Variants in NKAIN3 observed in about 807,000 individuals in gnomAD.
The protein encoded by NKAIN3 is sodium/potassium-transporting ATPase subunit beta-1-interacting protein 3.
In NKAIN3, 25 loss-of-function variants were observed where a neutral mutation model predicts 30.2. That is an observed-to-expected ratio of 0.83 (90% CI 0.60 to 1.16). The LOEUF (loss-of-function observed/expected upper bound fraction) is 1.16. Ranked by LOEUF, NKAIN3 falls within the 50% of genes most tolerant of loss-of-function variation. The pLI, the probability that NKAIN3 is intolerant of heterozygous loss-of-function variation, is 0.00. For missense variants in NKAIN3, 225 were observed against 254.1 expected, an observed-to-expected ratio of 0.89 and a Z score of 0.78; for synonymous variants, 91 against 89.6, an observed-to-expected ratio of 1.02 and a Z score of -0.09.
chr8:62,614,543 A>G (rs1050931500), intron 3 of NKAIN3, among the ~76,000 whole-genome samples: 5 of 152,090 alleles, frequency 3.3e-5, no homozygotes, highest in Non-Finnish European at 7.4e-5. Context: ...AGGATCTACA[A>G]TCAGCAGGTG....
intron 3 of NKAIN3, among the ~76,000 whole-genome samples, chr8:62,602,523 A>G (rs1316562915): frequency 6.6e-6 from 1 of 152,076 alleles, no homozygotes; most frequent in Admixed American, 6.6e-5. Flanking sequence ...TTTCTGTTTC[A>G]TAAAACATTG....
chr8:62,672,700 T>C (rs1813344190), intron 3 of NKAIN3, among the ~76,000 whole-genome samples: 3 of 152,208 alleles, frequency 2.0e-5, no homozygotes, highest in South Asian at 2.1e-4. Flanking sequence ...CTAGGCTTTA[T>C]GGCTGCTAAT....
chr8:62,529,524 A>C (rs1476582176), intron 1 of NKAIN3, among the ~76,000 whole-genome samples: 2 of 152,014 alleles, frequency 1.3e-5, no homozygotes, highest in East Asian at 3.9e-4. Flanking sequence ...GTGCCTTGTA[A>C]AAGATATCCA....
intron 4 of NKAIN3, among the ~76,000 whole-genome samples, chr8:62,881,719 A>G (rs1271929934): frequency 6.6e-6 from 1 of 152,210 alleles, no homozygotes; most frequent in East Asian, 1.9e-4. Context: ...ATTTTTGTGC[A>G]AACATGTTTT....
At chr8:62,511,636 G>T (rs1807816718) in intron 1 of NKAIN3, among the ~76,000 whole-genome samples, 1 of 152,100 alleles carries the variant, frequency 6.6e-6, no homozygotes, top group Non-Finnish European at 1.5e-5. Flanking sequence ...CTTCCACCTT[G>T]ATGTACATTT....
intron 5 of NKAIN3, among the ~76,000 whole-genome samples, chr8:62,949,290 G>A (rs1227943400): frequency 6.6e-6 from 1 of 152,150 alleles, no homozygotes; most frequent in Non-Finnish European, 1.5e-5. Flanking sequence ...CAGTAGCACT[G>A]AATTATCTAA....
intron 1 of NKAIN3, among the ~76,000 whole-genome samples, chr8:62,513,701 C>G (rs1259859207): frequency 1.3e-5 from 2 of 151,278 alleles, no homozygotes; most frequent in Non-Finnish European, 2.9e-5. Flanking sequence ...AATCCCATCT[C>G]TACAAAAAAA....
intron 5 of NKAIN3, among the ~76,000 whole-genome samples, chr8:62,951,924 C>T (rs915497731): frequency 3.9e-5 from 6 of 152,218 alleles, no homozygotes; most frequent in East Asian, 1.9e-4. Flanking sequence ...CCTCAGCCTC[C>T]GAGTAGCTGG....
chr8:62,310,792 G>C (rs1377953373), intron 1 of NKAIN3, among the ~76,000 whole-genome samples: 1 of 150,374 alleles, frequency 6.7e-6, no homozygotes, highest in Non-Finnish European at 1.5e-5. Context: ...ATAAGACCCT[G>C]AATCAACCAG....
intron 4 of NKAIN3, among the ~76,000 whole-genome samples, chr8:62,905,605 T>C (rs1821751048): frequency 6.6e-6 from 1 of 152,162 alleles, no homozygotes; most frequent in African/African-American, 2.4e-5. Context: ...TCTGATCGGA[T>C]TTTTGCCCTT....
At chr8:62,877,386 G>A (rs1281357713) in intron 4 of NKAIN3, among the ~76,000 whole-genome samples, 2 of 152,226 alleles carry the variant, frequency 1.3e-5, no homozygotes, top group African/African-American at 2.4e-5. Context: ...GCAAATACAC[G>A]AGACAGGGTC....
chr8:62,543,023 A>G (rs1356847838), intron 1 of NKAIN3, among the ~76,000 whole-genome samples: 2 of 152,196 alleles, frequency 1.3e-5, no homozygotes, highest in African/African-American at 4.8e-5. Flanking sequence ...AAGAGGTGCC[A>G]TGTAAGTATC....
At chr8:62,438,713 C>T (rs1420635174) in intron 1 of NKAIN3, among the ~76,000 whole-genome samples, 1 of 152,158 alleles carries the variant, frequency 6.6e-6, no homozygotes, top group Non-Finnish European at 1.5e-5. Context: ...AGGTGTGTGC[C>T]ACCATGCCCA....
chr8:62,354,258 A>C (rs115809396), intron 1 of NKAIN3, among the ~76,000 whole-genome samples: 241 of 152,004 alleles, frequency 1.6e-3, no homozygotes, highest in African/African-American at 5.5e-3. Context: ...AGGGCACTAA[A>C]GATCTTTTAG....
At position 62,950,256 on chromosome 8, in the gene NKAIN3, T is replaced by C. The variant is rs377645008; in HGVS notation, c.533-3646T>C. ...TAAGAATCTGTAAACTCGCCCTCTGTGTACACTTTAATTTGCCCCTTTACT... is the reference window on the plus strand; with the variant it reads ...TAAGAATCTGTAAACTCGCCCTCTGCGTACACTTTAATTTGCCCCTTTACT... On this transcript the variant is annotated intron_variant, in intron 5 of 6. Coordinates refer to ENST00000623646, the MANE Select transcript of NKAIN3 (RefSeq NM_001304533.3). 3.1e-4 allele frequency among the ~76,000 whole-genome samples: 47 copies of C among 152,342 alleles called. 1 individual carries two copies. Among genetic ancestry groups the C allele is most frequent in the African/African-American group, 1.1e-3 (46 of 41,590 alleles).
At chr8:62,516,425 A>G (rs1179178047) in intron 1 of NKAIN3, among the ~76,000 whole-genome samples, 1 of 152,008 alleles carries the variant, frequency 6.6e-6, no homozygotes. Flanking sequence ...TATTAGCAGG[A>G]CCTTAATATG....
At chr8:62,829,385 TG>T in intron 4 of NKAIN3, among the ~76,000 whole-genome samples, 1 of 152,136 alleles carries the variant, frequency 6.6e-6, no homozygotes, top group Middle Eastern at 3.4e-3. Context: ...AAAGATTAAT[TG>T]AAAGTAACTG....
intron 1 of NKAIN3, among the ~76,000 whole-genome samples, chr8:62,557,074 A>G (rs901136923): frequency 2.6e-5 from 4 of 151,878 alleles, no homozygotes; most frequent in Non-Finnish European, 5.9e-5. Context: ...TTCCCTTCCC[A>G]TCCTTTCCCT....
At chr8:62,414,422 G>A (rs1804365415) in intron 1 of NKAIN3, among the ~76,000 whole-genome samples, 1 of 152,080 alleles carries the variant, frequency 6.6e-6, no homozygotes, top group African/African-American at 2.4e-5. Flanking sequence ...AAAAATCAAC[G>A]ATACTGTTCT....
Sources: gnomAD v4.1 joint callset for allele counts (sites outside exome capture counted in the v4.1 genomes callset) on GRCh38, gnomAD v4.1.1 for gene constraint, MANE v1.5 for transcripts, NCBI Gene and HGNC (gene_info 2026-07-23, HGNC 2026-07-21) for gene names.